Variants in NALF1 observed in about 807,000 individuals in gnomAD.
The protein encoded by NALF1 is NALCN channel auxiliary factor 1.
NALF1 carries 3 observed loss-of-function variants against 48.4 expected under a neutral mutation model. The ratio of observed to expected loss-of-function variants is 0.06; its 90% CI spans 0.03 to 0.16. NALF1 has a LOEUF of 0.16. Ranked by LOEUF, NALF1 falls within the 10% of genes least tolerant of loss-of-function variation. The probability of loss-of-function intolerance (pLI) is 1.00; values close to 1 mark genes in which losing one functional copy is unlikely to be tolerated. For missense variants in NALF1, 526 were observed against 571.5 expected (o/e 0.92, Z 0.81); for synonymous variants, 262 against 245.7 (o/e 1.07, Z -0.62).
intron 1 of NALF1, among the ~76,000 whole-genome samples, chr13:107,424,119 G>A (rs548727660): frequency 1.4e-3 from 215 of 152,190 alleles, no homozygotes; most frequent in African/African-American, 4.9e-3. Flanking sequence ...TAATGAGGAA[G>A]ATACAGCTAT....
chr13:107,290,154 C>G (rs1336540286), intron 1 of NALF1, among the ~76,000 whole-genome samples: 1 of 150,078 alleles, frequency 6.7e-6, no homozygotes, highest in Non-Finnish European at 1.5e-5. Flanking sequence ...GCTCATGACC[C>G]CTAATCCCCC....
At chr13:107,318,560 A>G (rs1438661475) in intron 1 of NALF1, among the ~76,000 whole-genome samples, 3 of 152,088 alleles carry the variant, frequency 2.0e-5, no homozygotes, top group African/African-American at 4.8e-5. Context: ...ATATACTTTG[A>G]GCGGAAGGAG....
At chr13:107,783,692 C>T (rs544243033) in intron 1 of NALF1, among the ~76,000 whole-genome samples, 2,825 of 151,604 alleles carry the variant, frequency 0.019, 86 homozygotes, top group African/African-American at 0.065. Flanking sequence ...CATCACCACT[C>T]CCTAATCTCA....
chr13:107,729,097 T>A (rs1159500460), intron 1 of NALF1, among the ~76,000 whole-genome samples: 1 of 152,178 alleles, frequency 6.6e-6, no homozygotes, highest in African/African-American at 2.4e-5. Flanking sequence ...AACTACACAC[T>A]GAATTTGATC....
Position 107,866,338 on chromosome 13 carries a change from T to TCTGCTGCTGCTG in NALF1, c.247_258dup (p.Gln83_Gln86dup), listed in dbSNP as rs756515049. 7.5e-6 allele frequency: 12 copies of TCTGCTGCTGCTG among 1,598,748 alleles called. No homozygotes were observed. In the East Asian group the frequency reaches 1.1e-4, roughly 15 times the overall value. Reference sequence around the variant, plus strand: ...TGCTGCTGCTGCTGCTGCCGCTGCCTCTGCTGCTGCTGCTGCTGCTGCTGC... The same window carrying TCTGCTGCTGCTG: ...TGCTGCTGCTGCTGCTGCCGCTGCCTCTGCTGCTGCTGCTGCTGCTGCTGCTGCTGCTGCTGC... On this transcript the variant is annotated inframe_insertion, in exon 1 of 3. Transcript: ENST00000375915. The surrounding 1 kb of genome is among the most constrained non-coding windows in gnomAD (Gnocchi z 4.4).
chr13:107,660,426 C>G (rs1880697716), intron 1 of NALF1, among the ~76,000 whole-genome samples: 1 of 144,038 alleles, frequency 6.9e-6, no homozygotes, highest in African/African-American at 2.6e-5. Context: ...GGGCAAGACT[C>G]TGTCTCAAAA....
At chr13:107,458,613 C>T (rs180914369) in intron 1 of NALF1, among the ~76,000 whole-genome samples, 106 of 152,180 alleles carry the variant, frequency 7.0e-4, no homozygotes, top group Non-Finnish European at 1.3e-3. Flanking sequence ...AACAGGAAGA[C>T]GCACAACGTT....
rs1875948029 is a variant in NALF1, at chr13:107,513,056, C to A, written c.916-302301G>T. ...TTGAATTCACTTCAAGCCAATATGT[C>A]TTCCAAAATAATATTTTCAAAATAA... is the stretch of plus-strand genomic sequence containing the variant. On this transcript the variant is annotated intron_variant, in intron 1 of 2. Coordinates refer to ENST00000375915, the MANE Select transcript of NALF1 (RefSeq NM_001080396.3). 2.0e-5 allele frequency among the ~76,000 whole-genome samples: 3 copies of A among 152,312 alleles called. No homozygotes were observed. The South Asian group carries it at 6.2e-4, about 32-fold the overall frequency.
intron 1 of NALF1, among the ~76,000 whole-genome samples, chr13:107,576,154 C>T (rs41489448): frequency 0.094 from 14,365 of 152,046 alleles, 967 homozygotes; most frequent in Admixed American, 0.18. Flanking sequence ...TCAGGAAATG[C>T]GCTCTACCAT....
chr13:107,347,184 TGCCA>T (rs1242056660), intron 1 of NALF1, among the ~76,000 whole-genome samples: 1 of 152,216 alleles, frequency 6.6e-6, no homozygotes. Flanking sequence ...TCTTTACTTT[TGCCA>T]GACTCTTTTC....
intron 1 of NALF1, among the ~76,000 whole-genome samples, chr13:107,602,549 C>T (rs1878959434): frequency 6.6e-6 from 1 of 152,164 alleles, no homozygotes; most frequent in African/African-American, 2.4e-5. Context: ...ATCAATAATG[C>T]AGGTATTTAT....
At position 107,239,755 on chromosome 13, in the gene NALF1, G is replaced by A. The variant is rs557383910; in HGVS notation, c.916-29000C>T. ...ATAGTGGTCTAGAGCTCAGAAGAGA[G>A]ACTGGGGATTAAGATGAAAATAGAA... On this transcript the variant is annotated intron_variant, in intron 1 of 2. Coordinates refer to ENST00000375915, the MANE Select transcript of NALF1 (RefSeq NM_001080396.3). 4.6e-5 allele frequency among the ~76,000 whole-genome samples: 7 copies of A among 152,324 alleles called. No individual in the cohort carries two copies. In the East Asian group the frequency reaches 1.4e-3, roughly 29 times the overall value.
At chr13:107,425,865 CTG>C (rs887953759) in intron 1 of NALF1, among the ~76,000 whole-genome samples, 1 of 151,960 alleles carries the variant, frequency 6.6e-6, no homozygotes, top group African/African-American at 2.4e-5. Context: ...TTGGATATCT[CTG>C]TACTATGATA....
chr13:107,370,568 GT>G (rs1318452442), intron 1 of NALF1, among the ~76,000 whole-genome samples: 1 of 152,114 alleles, frequency 6.6e-6, no homozygotes, highest in Non-Finnish European at 1.5e-5. Context: ...TAACTTATTA[GT>G]TTTAAAATTC....
intron 1 of NALF1, among the ~76,000 whole-genome samples, chr13:107,426,895 A>G (rs1266137735): frequency 1.3e-5 from 2 of 152,112 alleles, no homozygotes; most frequent in Middle Eastern, 3.2e-3. Flanking sequence ...CTCTTGATAT[A>G]ACAGAATAAA....
chr13:107,235,064 C>T (rs1043496517), intron 1 of NALF1, among the ~76,000 whole-genome samples: 2 of 152,174 alleles, frequency 1.3e-5, no homozygotes, highest in East Asian at 1.9e-4. Flanking sequence ...ATCATGCCCA[C>T]GTTTTAGCTT....
intron 1 of NALF1, among the ~76,000 whole-genome samples, chr13:107,664,667 T>C (rs1371221358): frequency 1.3e-5 from 2 of 152,200 alleles, no homozygotes; most frequent in East Asian, 3.9e-4. Context: ...TTTACACAAA[T>C]ACAAACACAA....
At chr13:107,795,274 A>C (rs933998208) in intron 1 of NALF1, among the ~76,000 whole-genome samples, 1 of 152,174 alleles carries the variant, frequency 6.6e-6, no homozygotes, top group African/African-American at 2.4e-5. Flanking sequence ...CAAACAAACA[A>C]AAAACATCAA....
At chr13:107,802,818 A>G (rs747791138) in intron 1 of NALF1, among the ~76,000 whole-genome samples, 5 of 152,202 alleles carry the variant, frequency 3.3e-5, no homozygotes, top group Non-Finnish European at 5.9e-5. Flanking sequence ...TTTTTATACC[A>G]TTCCCATTAC....
Sources: allele counts gnomAD v4.1 joint callset (sites outside exome capture counted in the v4.1 genomes callset), GRCh38; gene constraint gnomAD v4.1.1; non-coding constraint Gnocchi (gnomAD v3.1); transcripts MANE v1.5; gene names NCBI Gene and HGNC (gene_info 2026-07-23, HGNC 2026-07-21).